The following DHRS7B variants were observed in gnomAD, a reference collection of about 807,000 sequenced individuals.
DHRS7B encodes peroxisomal reductase activating PPAR-gamma.
DHRS7B carries 24 observed loss-of-function variants against 26.4 expected under a neutral mutation model. That is an observed-to-expected ratio of 0.91 (90% CI 0.66 to 1.28). The LOEUF is 1.28. Among genes scored for constraint, DHRS7B ranks in the 50% most tolerant of loss-of-function variants. DHRS7B has a pLI of 0.00. For synonymous variants in DHRS7B, 142 were observed against 166.4 expected, an observed-to-expected ratio of 0.85 and a Z score of 1.13; for missense variants, 368 against 419.4, an observed-to-expected ratio of 0.88 and a Z score of 1.07.
chr17:21,156,895 A>G (rs6587124), intron 1 of DHRS7B, among the ~76,000 whole-genome samples: 124,124 of 145,730 alleles, frequency 0.85, 52,963 homozygotes, highest in African/African-American at 0.88. Context: ...AGGGTGACAA[A>G]AACAAAATTC....
chr17:21,149,603 A>G (rs979935940), intron 1 of DHRS7B, among the ~76,000 whole-genome samples: 11 of 152,112 alleles, frequency 7.2e-5, no homozygotes, highest in African/African-American at 2.2e-4. Context: ...AGACAACTAA[A>G]AGTCAAAATG....
intron 1 of DHRS7B, among the ~76,000 whole-genome samples, chr17:21,165,032 G>T (rs918228218): frequency 6.6e-6 from 1 of 152,224 alleles, no homozygotes; most frequent in Non-Finnish European, 1.5e-5. Context: ...CAGCACAGTT[G>T]TTCAAGATTT....
intron 1 of DHRS7B, among the ~76,000 whole-genome samples, chr17:21,149,945 GTTCTCCAATTAAATAGCATAGAA>G (rs1458434878): frequency 6.6e-6 from 1 of 151,916 alleles, no homozygotes; most frequent in Admixed American, 6.6e-5. Context: ...AATGAACTCA[GTTCTCCAATTAAATAGCATAGAA>G]TTTTCTTTAG....
chr17:21,178,800 A>G (rs1398551741), intron 3 of DHRS7B, among the ~76,000 whole-genome samples: 2 of 151,902 alleles, frequency 1.3e-5, no homozygotes, highest in Non-Finnish European at 2.9e-5. Flanking sequence ...CTGGGATTAC[A>G]GGTGCACACC....
chr17:21,136,503 T>A (rs1402749984), intron 1 of DHRS7B, among the ~76,000 whole-genome samples: 1 of 151,566 alleles, frequency 6.6e-6, no homozygotes, highest in African/African-American at 2.4e-5. Flanking sequence ...TGAATGAAAC[T>A]CCGTCTCAAA....
intron 5 of DHRS7B, among the ~76,000 whole-genome samples, chr17:21,187,912 G>A (rs553322660): frequency 6.6e-5 from 10 of 151,732 alleles, no homozygotes; most frequent in Admixed American, 2.0e-4. Context: ...GCAGTGGCGC[G>A]ATCTCCGCTC....
chr17:21,185,353 GAC>G (rs1974608260), intron 5 of DHRS7B, among the ~76,000 whole-genome samples: 1 of 152,202 alleles, frequency 6.6e-6, no homozygotes, highest in Non-Finnish European at 1.5e-5. Flanking sequence ...CCAGTTCCAT[GAC>G]ACTATAGGGC....
At chr17:21,160,302 A>T (rs1973973458) in intron 1 of DHRS7B, among the ~76,000 whole-genome samples, 1 of 152,190 alleles carries the variant, frequency 6.6e-6, no homozygotes. Flanking sequence ...GGTTGCAGTG[A>T]TCCAAGATCA....
intron 1 of DHRS7B, among the ~76,000 whole-genome samples, chr17:21,138,256 G>T (rs1413779048): frequency 9.0e-5 from 9 of 100,064 alleles, no homozygotes; most frequent in African/African-American, 3.8e-4. Flanking sequence ...TCTCTCTGTT[G>T]CCTACACTGG....
intron 1 of DHRS7B, among the ~76,000 whole-genome samples, chr17:21,165,540 C>T (rs978109729): frequency 5.3e-5 from 8 of 151,944 alleles, no homozygotes; most frequent in African/African-American, 1.9e-4. Context: ...CCAGGCTGGT[C>T]CCAAACTTGT....
At chr17:21,171,850 C>G (rs372932037) in intron 1 of DHRS7B, 168 bp from the exon 2 acceptor site, 1 of 817,644 alleles carries the variant, frequency 1.2e-6, no homozygotes, top group Middle Eastern at 2.2e-4. Context: ...TTCTACAATG[C>G]TGAACAGTCG....
chr17:21,168,165 C>T (rs1043486882), intron 1 of DHRS7B, among the ~76,000 whole-genome samples: 5 of 152,164 alleles, frequency 3.3e-5, no homozygotes, highest in Admixed American at 1.3e-4. Context: ...GGCCACATGC[C>T]CTGCATAGTG....
At chr17:21,139,622 C>T (rs1230927778) in intron 1 of DHRS7B, among the ~76,000 whole-genome samples, 1 of 151,254 alleles carries the variant, frequency 6.6e-6, no homozygotes, top group Non-Finnish European at 1.5e-5. Flanking sequence ...TGCAGTGAGC[C>T]AAGATCGCGC....
chr17:21,150,517 T>G (rs1212438151), intron 1 of DHRS7B, among the ~76,000 whole-genome samples: 1 of 152,144 alleles, frequency 6.6e-6, no homozygotes, highest in Non-Finnish European at 1.5e-5. Context: ...CTTGGGAGGC[T>G]GGGGCAGGAG....
intron 1 of DHRS7B, among the ~76,000 whole-genome samples, chr17:21,139,683 AAAAT>A (rs1361009327): frequency 6.6e-6 from 1 of 152,044 alleles, no homozygotes; most frequent in East Asian, 1.9e-4. Flanking sequence ...TCAAAAAAAA[AAAAT>A]AAATAAATAA....
intron 1 of DHRS7B, chr17:21,166,153 C>T: frequency 1.0e-6 from 1 of 985,496 alleles, no homozygotes; most frequent in Non-Finnish European, 1.2e-6. Flanking sequence ...TGCCGGGAAG[C>T]ATGTGCTTGG....
intron 1 of DHRS7B, among the ~76,000 whole-genome samples, chr17:21,131,818 A>G (rs2143850995): frequency 6.6e-6 from 1 of 152,338 alleles, no homozygotes; most frequent in East Asian, 1.9e-4. Flanking sequence ...AAGGGGATAT[A>G]AATTTTTCCA....
intron 1 of DHRS7B, among the ~76,000 whole-genome samples, chr17:21,146,109 A>G (rs576083585): frequency 6.6e-6 from 1 of 152,352 alleles, no homozygotes; most frequent in African/African-American, 2.4e-5. Context: ...AAGGCCTCCT[A>G]ACCTACATAT....
intron 1 of DHRS7B, among the ~76,000 whole-genome samples, chr17:21,131,568 T>TAA (rs1973231075): frequency 6.6e-6 from 1 of 152,238 alleles, no homozygotes; most frequent in African/African-American, 2.4e-5. Flanking sequence ...AAGGTCTTTC[T>TAA]GACCTGTATC....
Sources: gnomAD v4.1 joint callset for allele counts (sites outside exome capture counted in the v4.1 genomes callset) on GRCh38, gnomAD v4.1.1 for gene constraint, MANE v1.5 for transcripts, NCBI Gene and HGNC (gene_info 2026-07-23, HGNC 2026-07-21) for gene names.